Variants in PAWR observed in about 807,000 individuals in gnomAD.
PAWR encodes pro-apoptotic WT1 regulator.
In PAWR, 23 loss-of-function variants were observed where a neutral mutation model predicts 32.0. The observed-to-expected ratio is 0.72, with a 90% CI of 0.52 to 1.02. The LOEUF is 1.02. Ranked by LOEUF, PAWR falls within the 50% of genes least tolerant of loss-of-function variation. The pLI is 0.00. For synonymous variants in PAWR, 226 were observed against 187.1 expected (o/e 1.21, Z -1.70); for missense variants, 457 against 437.7 (o/e 1.04, Z -0.39).
rs1487091562 is a variant in PAWR, at chr12:79,587,475, T to C, written c.*5132A>G. On this transcript the variant is annotated 3_prime_UTR_variant, in exon 7 of 7. Coordinates refer to ENST00000328827, the MANE Select transcript of PAWR (RefSeq NM_002583.4). Reference sequence around the variant, plus strand: ...CACCATCAGATTTAGTTTATAAGAGTTCTGATTTTGAATCAAGAAATTATT... The same window carrying C: ...CACCATCAGATTTAGTTTATAAGAGCTCTGATTTTGAATCAAGAAATTATT... The C allele has an allele frequency of 6.6e-6, 1 of 151,968 alleles. No individual in the cohort carries two copies. Among genetic ancestry groups the C allele is most frequent in the South Asian group, 2.1e-4 (1 of 4,830 alleles). The allele number at this position is 151,968 out of a possible 1,614,324, so 9.4% of individuals were successfully genotyped here.
intron 4 of PAWR, chr12:79,603,667 A>ATTTTT (rs899732732): frequency 3.1e-5 from 3 of 97,896 alleles, no homozygotes; most frequent in Admixed American, 1.2e-4. Flanking sequence ...TCATTATGCT[A>ATTTTT]TTTTTTTTTT....
At chr12:79,606,959 T>C (rs910453705) in intron 4 of PAWR, among the ~76,000 whole-genome samples, 2 of 152,158 alleles carry the variant, frequency 1.3e-5, no homozygotes, top group Admixed American at 6.5e-5. Flanking sequence ...ATTTATGACC[T>C]AGAAAAGTTC....
chr12:79,632,260 A>G (rs1399832706), intron 2 of PAWR: 1 of 135,840 alleles, frequency 7.4e-6, no homozygotes, highest in Non-Finnish European at 1.5e-5. Context: ...TATTCATACA[A>G]AAGAATGCAC....
intron 2 of PAWR, among the ~76,000 whole-genome samples, chr12:79,663,670 C>A (rs1877456719): frequency 6.6e-6 from 1 of 151,530 alleles, no homozygotes; most frequent in Non-Finnish European, 1.5e-5. Context: ...TGAGGTGGGA[C>A]AATCACTTGA....
intron 2 of PAWR, among the ~76,000 whole-genome samples, chr12:79,623,504 A>C (rs1313495948): frequency 8.5e-6 from 1 of 117,292 alleles, no homozygotes; most frequent in Non-Finnish European, 1.5e-5. Flanking sequence ...TTTTAGAATT[A>C]TGAGTTAAGA....
At chr12:79,606,802 C>T (rs987849764) in intron 4 of PAWR, among the ~76,000 whole-genome samples, 2 of 152,102 alleles carry the variant, frequency 1.3e-5, no homozygotes, top group African/African-American at 2.4e-5. Context: ...TTTAATCATA[C>T]AAGTCATTAA....
intron 4 of PAWR, among the ~76,000 whole-genome samples, chr12:79,613,291 T>C (rs888679334): frequency 1.1e-4 from 17 of 152,338 alleles, no homozygotes; most frequent in Admixed American, 6.5e-4. Context: ...TACTTATATT[T>C]TCAATGTTTA....
At chr12:79,639,702 A>C (rs1876183670) in intron 2 of PAWR, among the ~76,000 whole-genome samples, 1 of 152,246 alleles carries the variant, frequency 6.6e-6, no homozygotes, top group South Asian at 2.1e-4. Flanking sequence ...AGGTCTATAT[A>C]AAACAAACTA....
At chr12:79,607,033 C>T in intron 4 of PAWR, among the ~76,000 whole-genome samples, 1 of 152,162 alleles carries the variant, frequency 6.6e-6, no homozygotes, top group East Asian at 1.9e-4. Flanking sequence ...CATTTTATGA[C>T]TTTCATGTAC....
chr12:79,662,772 A>C (rs970519939), intron 2 of PAWR, among the ~76,000 whole-genome samples: 15 of 152,362 alleles, frequency 9.8e-5, no homozygotes, highest in African/African-American at 3.4e-4. Context: ...ACTTTTTCTT[A>C]GATTTCTAAG....
chr12:79,626,598 T>C (rs957927438), intron 2 of PAWR, among the ~76,000 whole-genome samples: 5 of 151,584 alleles, frequency 3.3e-5, no homozygotes, highest in African/African-American at 1.2e-4. Context: ...TTTAATTTTA[T>C]TATTATTATA....
intron 2 of PAWR, among the ~76,000 whole-genome samples, chr12:79,672,683 C>T (rs1323992580): frequency 6.6e-6 from 1 of 151,596 alleles, no homozygotes; most frequent in Non-Finnish European, 1.5e-5. Flanking sequence ...ACATCCATAC[C>T]CCTCAACGAG....
chr12:79,624,394 A>C (rs1875177975), intron 2 of PAWR, among the ~76,000 whole-genome samples: 2 of 152,186 alleles, frequency 1.3e-5, no homozygotes, highest in South Asian at 4.1e-4. Flanking sequence ...CCAAGATGAG[A>C]CAAATCATCT....
rs1423001222 is a variant in PAWR at position 79,587,583 on chromosome 12, C to T, written c.*5024G>A. 1.3e-5 allele frequency: 2 copies of T among 151,968 alleles called. No homozygotes were observed. The highest frequency in any genetic ancestry group is 2.9e-5 in the Non-Finnish European group (2 of 67,876). The allele number at this position is 151,968 out of a possible 1,614,324, so 9.4% of individuals were successfully genotyped here. ...CTCATTTATTCGAGAAACCCCACCACTAATGTATTTAGACCTTAATATGAT... is the reference window on the plus strand; with the variant it reads ...CTCATTTATTCGAGAAACCCCACCATTAATGTATTTAGACCTTAATATGAT... On this transcript the variant is annotated 3_prime_UTR_variant, in exon 7 of 7. Coordinates refer to ENST00000328827, the MANE Select transcript of PAWR (RefSeq NM_002583.4).
intron 3 of PAWR, among the ~76,000 whole-genome samples, chr12:79,617,284 G>T (rs1297276683): frequency 6.6e-6 from 1 of 152,132 alleles, no homozygotes; most frequent in African/African-American, 2.4e-5. Flanking sequence ...CAGAGAAGGT[G>T]GAGGTTGCAG....
At position 79,635,291 on chromosome 12, in the gene PAWR, T is replaced by C. The variant is rs1331590848; in HGVS notation, c.517-14084A>G. The stretch of plus-strand genomic sequence containing the variant: ...CTGGGGCAAGTCTCTACTTTGGCCA[T>C]AATGCTCTGGGCTCAGTGATTCTTT... On this transcript the variant is annotated intron_variant, in intron 2 of 6. Coordinates refer to ENST00000328827, the MANE Select transcript of PAWR (RefSeq NM_002583.4). Among the ~76,000 whole-genome samples, 21 of 152,116 alleles carry C rather than the reference T, an allele frequency of 1.4e-4. 1 individual carries two copies. Among genetic ancestry groups the C allele is most frequent in the Admixed American group, 1.4e-3 (21 of 15,256 alleles).
chr12:79,646,096 T>C (rs1876561615), intron 2 of PAWR, among the ~76,000 whole-genome samples: 1 of 152,184 alleles, frequency 6.6e-6, no homozygotes, highest in Admixed American at 6.5e-5. Context: ...TTTGGAATAT[T>C]TGCATTACAT....
intron 2 of PAWR, among the ~76,000 whole-genome samples, chr12:79,649,170 C>T (rs1341845222): frequency 6.6e-6 from 1 of 152,124 alleles, no homozygotes; most frequent in Non-Finnish European, 1.5e-5. Context: ...ATTACTCCTT[C>T]ACAGAAAACT....
chr12:79,649,229 T>C (rs2136792056), intron 2 of PAWR, among the ~76,000 whole-genome samples: 1 of 152,316 alleles, frequency 6.6e-6, no homozygotes, highest in South Asian at 2.1e-4. Flanking sequence ...TTTTCCTTTT[T>C]ACCATATTTC....
Sources: gnomAD v4.1 joint callset for allele counts (sites outside exome capture counted in the v4.1 genomes callset) on GRCh38, gnomAD v4.1.1 for gene constraint, MANE v1.5 for transcripts, NCBI Gene and HGNC (gene_info 2026-07-23, HGNC 2026-07-21) for gene names.